The following IRAK4 variants were observed in gnomAD, a reference collection of about 807,000 sequenced individuals.
IRAK4 encodes interleukin 1 receptor associated kinase 4.
In IRAK4, 44 loss-of-function variants were observed where a neutral mutation model predicts 51.8. The observed-to-expected ratio is 0.85, with a 90% CI of 0.67 to 1.09. IRAK4 has a LOEUF of 1.09. Ranked by LOEUF, IRAK4 falls within the 50% of genes least tolerant of loss-of-function variation. The pLI is 0.00. For synonymous variants in IRAK4, 149 were observed against 174.1 expected, an observed-to-expected ratio of 0.86 and a Z score of 1.13; for missense variants, 487 against 538.0, an observed-to-expected ratio of 0.91 and a Z score of 0.94.
At position 43,773,972 on chromosome 12, in the gene IRAK4, A is replaced by G. The variant is rs781671136; in HGVS notation, c.659A>G (p.Asp220Gly). 2 of 1,599,018 alleles carry G rather than the reference A, an allele frequency of 1.3e-6. No individual in the cohort carries two copies. Among genetic ancestry groups the G allele is most frequent in the Admixed American group, 3.3e-5 (2 of 60,004 alleles). ...TATATTTTATTTTTTCAGATGGTTG[A>G]CATTACTACTGAAGAACTGAAACAG... The part of the protein sequence containing the change: ...VAVKKLAAMV[D>G]ITTEELKQQF... Residue 220 changes from aspartate (D) to glycine (G), a missense_variant, in exon 6 of 12, where the codon GAC (aspartate) becomes GGC (glycine). Transcript: ENST00000613694.
rs1051196240 is a variant in IRAK4 at position 43,786,824 on chromosome 12, G to A, written c.*109G>A. 4.6e-5 allele frequency: 42 copies of A among 922,708 alleles called. No homozygotes were observed. The highest frequency in any genetic ancestry group is 6.7e-5 in the Non-Finnish European group (39 of 578,408). 57.2% of individuals were successfully genotyped at this position (922,708 alleles called of 1,614,324 possible). On this transcript the variant is annotated 3_prime_UTR_variant, in exon 12 of 12. Transcript: ENST00000613694. ...CTTTACCTTTAACAAGGCATAGGCTGTTGCAGGACAGTGGTTATTAAAGCA... is the reference window on the plus strand; with the variant it reads ...CTTTACCTTTAACAAGGCATAGGCTATTGCAGGACAGTGGTTATTAAAGCA...
chr12:43,784,983 A>G, intron 10 of IRAK4, among the ~76,000 whole-genome samples: 1 of 152,180 alleles, frequency 6.6e-6, no homozygotes, highest in Non-Finnish European at 1.5e-5. Flanking sequence ...CTGTTATAAA[A>G]ATATACCAAA....
Position 43,782,402 on chromosome 12 carries a change from G to A in IRAK4, c.1037G>A (p.Ser346Asn), listed in dbSNP as rs368108618. The change falls in exon 9 of 12, where the codon AGC becomes AAC. Residue 346 changes from serine to asparagine, a missense_variant. By Grantham distance (46) the Ser-to-Asn change is conservative. Transcript: ENST00000613694. ...SEKFAQTVMT[S>N]RIVGTTAYMA... is the part of the protein sequence containing the mutation. ...AAGTTTGCCCAGACAGTCATGACTA[G>A]CAGAATTGTGGGAACAACAGCTTAT... The A allele has an allele frequency of 6.2e-7, 1 of 1,613,874 alleles. No homozygotes were observed. Among genetic ancestry groups the A allele is most frequent in the Non-Finnish European group, 8.5e-7 (1 of 1,179,780 alleles).
rs776810085 is a variant in IRAK4 at position 43,772,949 on chromosome 12, C to A, written c.528C>A (p.Val176=). Residue 176 remains valine (V), a synonymous_variant, in exon 5 of 12, where the codon GTC becomes GTA. Coordinates refer to ENST00000613694, the MANE Select transcript of IRAK4 (RefSeq NM_016123.4). ...TTTCATTTTATGAATTGAAGAATGTCACAAATAACTTTGATGAACGACCCA... is the reference window on the plus strand; with the variant it reads ...TTTCATTTTATGAATTGAAGAATGTAACAAATAACTTTGATGAACGACCCA... ...HSFSFYELKN[V]TNNFDERPIS... 7.5e-6 allele frequency: 12 copies of A among 1,610,100 alleles called. No individual in the cohort carries two copies. The highest frequency in any genetic ancestry group is 1.1e-5 in the South Asian group (1 of 90,128).
At chr12:43,767,782 C>T (rs1940320448) in intron 1 of IRAK4, among the ~76,000 whole-genome samples, 1 of 151,976 alleles carries the variant, frequency 6.6e-6, no homozygotes, top group Admixed American at 6.6e-5. Context: ...GTTGATATTA[C>T]TCTTAAGAAT....
intron 1 of IRAK4, among the ~76,000 whole-genome samples, chr12:43,765,786 G>C (rs997917889): frequency 1.3e-5 from 2 of 149,090 alleles, no homozygotes; most frequent in African/African-American, 4.9e-5. Flanking sequence ...TAAGTACTTG[G>C]TATGAAGGCT....
At chr12:43,779,491 G>T (rs919087261) in intron 8 of IRAK4, among the ~76,000 whole-genome samples, 1 of 152,104 alleles carries the variant, frequency 6.6e-6, no homozygotes, top group Non-Finnish European at 1.5e-5. Flanking sequence ...CTAGTGTAGA[G>T]AACAGTTTGT....
chr12:43,782,209 T>C (rs573450558), intron 8 of IRAK4, 98 bp from the exon 9 acceptor site: 1 of 759,374 alleles, frequency 1.3e-6, no homozygotes, highest in Admixed American at 2.0e-5. Context: ...TGCATATACA[T>C]ATATACATGC....
At chr12:43,778,862 T>C (rs1182157063) in intron 8 of IRAK4, among the ~76,000 whole-genome samples, 1 of 152,094 alleles carries the variant, frequency 6.6e-6, no homozygotes, top group Non-Finnish European at 1.5e-5. Context: ...AAGCAGAGAT[T>C]CAAAGAATGG....
intron 5 of IRAK4, chr12:43,773,678 C>T: frequency 7.5e-6 from 2 of 267,494 alleles, no homozygotes; most frequent in Admixed American, 4.9e-5. Flanking sequence ...CTTATGTTTT[C>T]TGTTTCCTAG....
chr12:43,764,759 A>G (rs1476609697), intron 1 of IRAK4, among the ~76,000 whole-genome samples: 1 of 151,978 alleles, frequency 6.6e-6, no homozygotes, highest in Admixed American at 6.6e-5. Flanking sequence ...CTCTGTGGTG[A>G]AGCTTTCCCA....
intron 6 of IRAK4, 63 bp from the exon 7 acceptor site, chr12:43,777,567 T>C: frequency 8.3e-6 from 12 of 1,447,484 alleles, no homozygotes; most frequent in Non-Finnish European, 1.1e-5. Flanking sequence ...TTGAATAACT[T>C]CCAACCTATA....
chr12:43,771,486 C>A (rs1940758542), intron 3 of IRAK4, 121 bp downstream of exon 3: 13 of 1,048,674 alleles, frequency 1.2e-5, no homozygotes, highest in African/African-American at 3.2e-5. Context: ...TTTGAGAGTC[C>A]CTTTCTTTCA....
intron 10 of IRAK4, among the ~76,000 whole-genome samples, chr12:43,784,948 T>C (rs1157352972): frequency 6.6e-6 from 1 of 152,206 alleles, no homozygotes. Context: ...GAATAGTTTT[T>C]TTCATCTGTA....
At chr12:43,763,080 AT>A (rs1294424133) in intron 1 of IRAK4, among the ~76,000 whole-genome samples, 1 of 152,192 alleles carries the variant, frequency 6.6e-6, no homozygotes, top group Non-Finnish European at 1.5e-5. Flanking sequence ...CTTTCAGGAG[AT>A]TTGTAAGGTC....
At chr12:43,782,717 T>A (rs1315758345) in intron 9 of IRAK4, among the ~76,000 whole-genome samples, 1 of 152,236 alleles carries the variant, frequency 6.6e-6, no homozygotes, top group Non-Finnish European at 1.5e-5. Flanking sequence ...TCTTGCCATC[T>A]GTCTTTATGA....
chr12:43,767,191 A>T (rs544089043), intron 1 of IRAK4, among the ~76,000 whole-genome samples: 1 of 152,338 alleles, frequency 6.6e-6, no homozygotes, highest in African/African-American at 2.4e-5. Context: ...GGAAGGAAAG[A>T]TCATTTCCTA....
intron 1 of IRAK4, among the ~76,000 whole-genome samples, chr12:43,767,214 G>T (rs918308827): frequency 1.1e-4 from 16 of 152,206 alleles, no homozygotes; most frequent in Non-Finnish European, 7.4e-5. Context: ...GAGAATGAGG[G>T]ACACGCAGAA....
intron 6 of IRAK4, 50 bp downstream of exon 6, chr12:43,774,079 A>C: frequency 7.6e-7 from 1 of 1,311,146 alleles, no homozygotes; most frequent in Non-Finnish European, 1.1e-6. Flanking sequence ...AAAGACAAGG[A>C]GTAAAGAACC....
Sources: gnomAD v4.1 joint callset for allele counts (sites outside exome capture counted in the v4.1 genomes callset) on GRCh38, gnomAD v4.1.1 for gene constraint, MANE v1.5 for transcripts, NCBI Gene and HGNC (gene_info 2026-07-23, HGNC 2026-07-21) for gene names.